Variants in FARP1 observed in about 807,000 individuals in gnomAD.
The protein encoded by FARP1 is FERM, ARH/RhoGEF and pleckstrin domain protein 1, also known as FERM, ARHGEF and pleckstrin domain-containing protein 1.
In FARP1, 52 loss-of-function variants were observed where a neutral mutation model predicts 128.8. The ratio of observed to expected loss-of-function variants is 0.40; its 90% CI spans 0.32 to 0.51. FARP1 has a LOEUF of 0.51. FARP1 is among the 20% of genes least tolerant of loss of function. The pLI is 0.45. For synonymous variants in FARP1, 580 were observed against 551.8 expected (o/e 1.05, Z -0.72); for missense variants, 1,333 against 1,367.9 (o/e 0.97, Z 0.40).
chr13:98,173,360 G>A (rs990010938), intron 1 of FARP1, among the ~76,000 whole-genome samples: 4 of 152,168 alleles, frequency 2.6e-5, no homozygotes, highest in Admixed American at 2.0e-4. Flanking sequence ...GGAATTTTGT[G>A]TATTTCAGGA....
At chr13:98,211,370 G>T (rs1238726849) in intron 1 of FARP1, among the ~76,000 whole-genome samples, 1 of 152,224 alleles carries the variant, frequency 6.6e-6, no homozygotes, top group Non-Finnish European at 1.5e-5. Context: ...GATCTAGATT[G>T]TGCGCTCCTT....
chr13:98,157,085 G>A (rs184463205), intron 1 of FARP1, among the ~76,000 whole-genome samples: 73 of 152,258 alleles, frequency 4.8e-4, no homozygotes, highest in African/African-American at 1.7e-3. Flanking sequence ...CTGCATCACC[G>A]CCTCTTTATA....
chr13:98,225,433 C>A (rs1188069302), intron 2 of FARP1, among the ~76,000 whole-genome samples: 1 of 152,202 alleles, frequency 6.6e-6, no homozygotes, highest in Non-Finnish European at 1.5e-5. Flanking sequence ...ATTCCCATCA[C>A]ACGAGGAGAA....
intron 2 of FARP1, among the ~76,000 whole-genome samples, chr13:98,276,810 G>A (rs974725888): frequency 2.0e-5 from 3 of 152,162 alleles, no homozygotes; most frequent in African/African-American, 4.8e-5. Flanking sequence ...CCTCTCACAG[G>A]CAATGCGAGG....
intron 1 of FARP1, among the ~76,000 whole-genome samples, chr13:98,165,075 T>A (rs750888031): frequency 1.4e-4 from 21 of 151,600 alleles, no homozygotes; most frequent in Non-Finnish European, 3.1e-4. Context: ...ATTAGCTGAG[T>A]GTGGTGGTAC....
chr13:98,427,854 C>A (rs1208821145), intron 17 of FARP1, among the ~76,000 whole-genome samples: 2 of 152,144 alleles, frequency 1.3e-5, no homozygotes, highest in African/African-American at 2.4e-5. Flanking sequence ...TAAAAATAGA[C>A]GGAGAGGTTG....
chr13:98,182,145 T>C (rs1020993018), intron 1 of FARP1, among the ~76,000 whole-genome samples: 1 of 152,150 alleles, frequency 6.6e-6, no homozygotes, highest in Admixed American at 6.5e-5. Context: ...CAGTTAATTA[T>C]GAATTTTACA....
At chr13:98,192,671 G>T (rs556691829) in intron 1 of FARP1, among the ~76,000 whole-genome samples, 8 of 152,150 alleles carry the variant, frequency 5.3e-5, no homozygotes, top group Non-Finnish European at 1.0e-4. Context: ...GATTACAAGT[G>T]TGAGTCACTG....
chr13:98,211,900 G>A (rs998255330), intron 1 of FARP1, among the ~76,000 whole-genome samples: 6 of 152,188 alleles, frequency 3.9e-5, no homozygotes, highest in Admixed American at 3.3e-4. Flanking sequence ...CTAGGTAGGC[G>A]CTGAGCTGCA....
intron 1 of FARP1, among the ~76,000 whole-genome samples, chr13:98,209,669 C>T (rs1293608693): frequency 5.3e-5 from 8 of 150,198 alleles, no homozygotes; most frequent in East Asian, 2.0e-4. Context: ...TGGTGGTGTG[C>T]GCCTGTGATC....
chr13:98,417,920 A>G (rs1327689755), intron 16 of FARP1, among the ~76,000 whole-genome samples: 1 of 152,264 alleles, frequency 6.6e-6, no homozygotes, highest in Admixed American at 6.5e-5. Flanking sequence ...TGTGCTAGGT[A>G]TCATTAAAAG....
intron 17 of FARP1, among the ~76,000 whole-genome samples, chr13:98,425,712 C>T (rs1233704970): frequency 6.6e-6 from 1 of 152,112 alleles, no homozygotes; most frequent in Non-Finnish European, 1.5e-5. Context: ...TTTAATCATC[C>T]AGCAATATCT....
chr13:98,365,581 G>A (rs187417356), intron 4 of FARP1, 144 bp downstream of exon 4: 79 of 530,220 alleles, frequency 1.5e-4, no homozygotes, highest in East Asian at 3.1e-4. Flanking sequence ...CGACTAATCC[G>A]TGTACTATTA....
intron 2 of FARP1, among the ~76,000 whole-genome samples, chr13:98,278,255 GT>G (rs1884762156): frequency 1.6e-5 from 2 of 128,342 alleles, no homozygotes; most frequent in African/African-American, 8.0e-5. Flanking sequence ...TGTGTGTGTT[GT>G]GTGTGTATGT....
intron 2 of FARP1, among the ~76,000 whole-genome samples, chr13:98,340,115 T>A (rs975395392): frequency 2.0e-5 from 3 of 152,126 alleles, no homozygotes; most frequent in Non-Finnish European, 4.4e-5. Context: ...TTTCTAGTAT[T>A]GAATTTTTAA....
At chr13:98,331,773 GC>G (rs938256070) in intron 2 of FARP1, 12 of 152,268 alleles carry the variant, frequency 7.9e-5, no homozygotes, top group African/African-American at 2.6e-4. Context: ...ACCTGCCTGA[GC>G]CCCACAGCTA....
intron 2 of FARP1, among the ~76,000 whole-genome samples, chr13:98,267,518 C>T (rs1271064630): frequency 1.3e-5 from 2 of 152,210 alleles, no homozygotes; most frequent in Non-Finnish European, 2.9e-5. Flanking sequence ...GTTGGACTCT[C>T]GGCCTATGGA....
intron 2 of FARP1, among the ~76,000 whole-genome samples, chr13:98,215,093 C>T (rs1880980558): frequency 6.6e-6 from 1 of 152,192 alleles, no homozygotes. Flanking sequence ...CTGTGCTCAC[C>T]TGCAGTTCTT....
At position 98,176,746 on chromosome 13, in the gene FARP1, A is replaced by T; in HGVS notation, c.-24+33254A>T. ...CGCCATCCCCGAGGAGGAGTTGCCC[A>T]TGGACGTGTCCTTGGGCTTCAGGTA... is the stretch of plus-strand genomic sequence containing the variant. On this transcript the variant is annotated intron_variant, in intron 1 of 26. Coordinates refer to ENST00000319562, the MANE Select transcript of FARP1 (RefSeq NM_005766.4). The surrounding 1 kb of genome is among the most constrained non-coding windows in gnomAD (Gnocchi z 6.2). The T allele has an allele frequency of 6.2e-7, 1 of 1,614,048 alleles. No individual in the cohort carries two copies. The highest frequency in any genetic ancestry group is 8.5e-7 in the Non-Finnish European group (1 of 1,179,988).
Sources: gnomAD v4.1 joint callset for allele counts (sites outside exome capture counted in the v4.1 genomes callset) on GRCh38, gnomAD v4.1.1 for gene constraint, Gnocchi (gnomAD v3.1) non-coding constraint, MANE v1.5 for transcripts, NCBI Gene and HGNC (gene_info 2026-07-23, HGNC 2026-07-21) for gene names.